Variants in NOVA1 observed in about 807,000 individuals in gnomAD.
The protein encoded by NOVA1 is NOVA alternative splicing regulator 1, also known as RNA-binding protein Nova-1.
Under a neutral mutation model 38.0 loss-of-function variants are expected in NOVA1, and 7 were observed. The observed-to-expected ratio is 0.18, with a 90% CI of 0.10 to 0.35. The LOEUF is 0.35. Ranked by LOEUF, NOVA1 falls within the 10% of genes least tolerant of loss-of-function variation. NOVA1 has a pLI of 1.00. For synonymous variants in NOVA1, 270 were observed against 232.5 expected (o/e 1.16, Z -1.47); for missense variants, 460 against 616.0 (o/e 0.75, Z 2.68).
intron 2 of NOVA1, among the ~76,000 whole-genome samples, chr14:26,491,283 G>A (rs1886324272): frequency 6.6e-6 from 1 of 152,132 alleles, no homozygotes; most frequent in Non-Finnish European, 1.5e-5. Flanking sequence ...TGGGATTACA[G>A]GCATGAGCCA....
At chr14:26,588,753 G>A (rs1175783523) in intron 2 of NOVA1, among the ~76,000 whole-genome samples, 1 of 151,328 alleles carries the variant, frequency 6.6e-6, no homozygotes, top group East Asian at 1.9e-4. Flanking sequence ...ATTAAAAATA[G>A]TCAATCATGT....
chr14:26,569,242 A>C (rs1021335173), intron 2 of NOVA1, among the ~76,000 whole-genome samples: 3 of 152,184 alleles, frequency 2.0e-5, no homozygotes, highest in Non-Finnish European at 4.4e-5. Flanking sequence ...TTACAGTAAA[A>C]AAAATCCGAG....
intron 2 of NOVA1, among the ~76,000 whole-genome samples, chr14:26,510,097 G>C (rs1256661764): frequency 8.3e-6 from 1 of 119,952 alleles, no homozygotes; most frequent in African/African-American, 2.5e-5. Flanking sequence ...ATGGAAAAAA[G>C]GGGACTTCAG....
chr14:26,553,975 G>A (rs965899303), intron 2 of NOVA1, among the ~76,000 whole-genome samples: 2 of 85,168 alleles, frequency 2.3e-5, no homozygotes, highest in Non-Finnish European at 2.4e-5. Context: ...GTGAAACCCC[G>A]TTTCTACTAC....
intron 2 of NOVA1, among the ~76,000 whole-genome samples, chr14:26,486,696 C>CCAAAA (rs1885924780): frequency 4.3e-5 from 1 of 23,106 alleles, no homozygotes; most frequent in Non-Finnish European, 7.0e-5. Context: ...GTGACAGACT[C>CCAAAA]AAAAAAAAAA....
intron 2 of NOVA1, among the ~76,000 whole-genome samples, chr14:26,588,006 T>A (rs1358410518): frequency 1.3e-5 from 2 of 151,236 alleles, no homozygotes; most frequent in African/African-American, 4.8e-5. Context: ...TAAACTTCTG[T>A]CATATCCTAG....
At chr14:26,546,836 G>A (rs61986525) in intron 2 of NOVA1, among the ~76,000 whole-genome samples, 6,258 of 152,160 alleles carry the variant, frequency 0.041, 188 homozygotes, top group South Asian at 0.097. Context: ...TGGCTAACAT[G>A]GTGAAACCCC....
intron 2 of NOVA1, among the ~76,000 whole-genome samples, chr14:26,558,898 T>A (rs565629978): frequency 5.9e-5 from 9 of 152,254 alleles, no homozygotes; most frequent in Admixed American, 4.6e-4. Context: ...TAAGGTAATA[T>A]TGTTTGAGCA....
intron 2 of NOVA1, among the ~76,000 whole-genome samples, chr14:26,492,469 G>C (rs909770226): frequency 5.3e-5 from 8 of 152,126 alleles, no homozygotes; most frequent in African/African-American, 1.9e-4. Context: ...CTTCACTATT[G>C]AGTGTGATGT....
At chr14:26,456,647 C>T (rs1300353402) in intron 4 of NOVA1, among the ~76,000 whole-genome samples, 6 of 151,898 alleles carry the variant, frequency 4.0e-5, no homozygotes, top group Non-Finnish European at 7.4e-5. Context: ...TATATATTGT[C>T]TTTTGCAAAT....
chr14:26,523,476 G>A (rs115292311), intron 2 of NOVA1, among the ~76,000 whole-genome samples: 3 of 152,056 alleles, frequency 2.0e-5, no homozygotes, highest in Non-Finnish European at 4.4e-5. Context: ...CTAATAACAC[G>A]TAAGTACAAT....
chr14:26,590,366 A>C (rs1594592590), intron 2 of NOVA1, among the ~76,000 whole-genome samples: 1 of 152,000 alleles, frequency 6.6e-6, no homozygotes, highest in East Asian at 1.9e-4. Flanking sequence ...AGCAGAACTT[A>C]CTCATAAAAG....
chr14:26,537,617 T>C (rs1890196769), intron 2 of NOVA1, among the ~76,000 whole-genome samples: 1 of 152,166 alleles, frequency 6.6e-6, no homozygotes, highest in Non-Finnish European at 1.5e-5. Flanking sequence ...CTCCACAATA[T>C]GTATTTATTA....
At position 26,595,537 on chromosome 14, in the gene NOVA1, A is replaced by C; in HGVS notation, c.153T>G (p.Phe51Leu). 6.2e-7 allele frequency: 1 copy of C among 1,613,046 alleles called. No homozygotes were observed. The highest frequency in any genetic ancestry group is 8.5e-7 in the Non-Finnish European group (1 of 1,179,652). ...RTNTGEDGQYFLKVLIPSYAA... is the reference protein window; with the variant it reads ...RTNTGEDGQYLLKVLIPSYAA... Reference sequence around the variant, plus strand: ...CATAACTAGGTATGAGAACCTTTAGAAAATACTGGCCGTCTTCTGAAAAAT... The same window carrying C: ...CATAACTAGGTATGAGAACCTTTAGCAAATACTGGCCGTCTTCTGAAAAAT... The change falls in exon 2 of 5, where the codon TTT becomes TTG. Residue 51 changes from phenylalanine to leucine, a missense_variant. Transcript: ENST00000539517.
chr14:26,526,545 TAA>T (rs946734628), intron 2 of NOVA1, among the ~76,000 whole-genome samples: 33 of 150,166 alleles, frequency 2.2e-4, no homozygotes, highest in African/African-American at 7.0e-4. Context: ...GAGATTTTTT[TAA>T]AAGACAGGTT....
intron 2 of NOVA1, chr14:26,594,517 CTTTAAAAAAATCACAGAAAGCTAGAT>C (rs1297441078): frequency 6.6e-6 from 1 of 151,858 alleles, no homozygotes; most frequent in Non-Finnish European, 1.5e-5. Flanking sequence ...ATAAAATAAC[CTTTAAAAAAATCACAGAAAGCTAGAT>C]TTAAATAAAA....
intron 2 of NOVA1, among the ~76,000 whole-genome samples, chr14:26,516,775 T>C (rs533755734): frequency 6.6e-6 from 1 of 152,342 alleles, no homozygotes; most frequent in East Asian, 1.9e-4. Flanking sequence ...GACTTTGTAA[T>C]GTAAATCATC....
At chr14:26,478,378 T>A (rs998350297) in intron 3 of NOVA1, among the ~76,000 whole-genome samples, 1 of 151,072 alleles carries the variant, frequency 6.6e-6, no homozygotes, top group Non-Finnish European at 1.5e-5. Flanking sequence ...ATGTTTTACT[T>A]AAAAAAAAAT....
intron 2 of NOVA1, among the ~76,000 whole-genome samples, chr14:26,554,543 A>C (rs2138657300): frequency 6.6e-6 from 1 of 152,302 alleles, no homozygotes; most frequent in Admixed American, 6.5e-5. Context: ...ACTACATTAA[A>C]GTCAGATTAA....
Sources: gnomAD v4.1 joint callset for allele counts (sites outside exome capture counted in the v4.1 genomes callset) on GRCh38, gnomAD v4.1.1 for gene constraint, MANE v1.5 for transcripts, NCBI Gene and HGNC (gene_info 2026-07-23, HGNC 2026-07-21) for gene names.